SASH1: variants seen among roughly 807,000 people sequenced by gnomAD.
SASH1 encodes the protein SAM and SH3 domain containing 1, also known as SAM and SH3 domain-containing protein 1.
Under a neutral mutation model 125.2 loss-of-function variants are expected in SASH1, and 44 were observed. That is an observed-to-expected ratio of 0.35 (90% CI 0.28 to 0.45). The LOEUF (loss-of-function observed/expected upper bound fraction) is 0.45. Ranked by LOEUF, SASH1 falls within the 20% of genes least tolerant of loss-of-function variation. The probability of loss-of-function intolerance (pLI) is 1.00; values close to 1 mark genes in which losing one functional copy is unlikely to be tolerated. For synonymous variants in SASH1, 639 were observed against 649.1 expected (o/e 0.98, Z 0.24); for missense variants, 1,426 against 1,614.5 (o/e 0.88, Z 2.00).
chr6:148,284,270 C>T (rs1779425534), intron 1 of SASH1, among the ~76,000 whole-genome samples: 1 of 152,168 alleles, frequency 6.6e-6, no homozygotes, highest in Non-Finnish European at 1.5e-5. Context: ...GAAACCCCGT[C>T]TCTACTAAAA....
chr6:148,496,144 T>C (rs1460931386), intron 8 of SASH1, among the ~76,000 whole-genome samples: 1 of 152,056 alleles, frequency 6.6e-6, no homozygotes, highest in Non-Finnish European at 1.5e-5. Flanking sequence ...GATAAGGAAG[T>C]TTAAGAGAGG....
At chr6:148,223,453 A>G in the SASH1 span, among the ~76,000 whole-genome samples, 1 of 152,228 alleles carries the variant, frequency 6.6e-6, no homozygotes, top group South Asian at 2.1e-4. Flanking sequence ...AGCGAGACTG[A>G]GTTCAACCAA....
chr6:148,213,505 G>GGTGTGTGTGTGT, the SASH1 span, among the ~76,000 whole-genome samples: 2,466 of 148,418 alleles, frequency 0.017, 60 homozygotes, highest in African/African-American at 0.057. Context: ...CTAGCCAAAG[G>GGTGTGTGTGTGT]GTGTGTGTGT....
Position 148,531,610 on chromosome 6 carries a change from G to A in SASH1, c.1513G>A (p.Gly505Arg), listed in dbSNP as rs763136606. ...EHLDKPKLKAGGSVESLRSSL... is the reference protein window; with the variant it reads ...EHLDKPKLKARGSVESLRSSL... ...CTTGGACAAGCCCAAGCTCAAGGCC[G>A]GGGGTTCTGTAGAAAGTCTTCGCAG... The change falls in exon 13 of 20, where the codon GGG becomes AGG. Residue 505 changes from glycine (G) to arginine (R), a missense_variant. Physicochemically the swap from Gly to Arg is moderately radical, Grantham distance 125 (BLOSUM62 -2). This residue lies in a region of SASH1 where 225 missense variants were observed against 344.5 expected (regional missense o/e 0.65). Coordinates refer to ENST00000367467, the MANE Select transcript of SASH1 (RefSeq NM_015278.5). The A allele has an allele frequency of 2.0e-5, 31 of 1,578,712 alleles. No individual in the cohort carries two copies. The highest frequency in any genetic ancestry group is 1.3e-4 in the Admixed American group (7 of 55,290).
chr6:148,468,512 T>G, intron 4 of SASH1, 33 bp from the exon 5 acceptor site: 1 of 1,570,080 alleles, frequency 6.4e-7, no homozygotes, highest in Non-Finnish European at 8.7e-7. Flanking sequence ...AAAGCAAGGC[T>G]CTCTGGTAAT....
intron 1 of SASH1, among the ~76,000 whole-genome samples, chr6:148,310,378 G>GTATC (rs1463072032): frequency 6.7e-6 from 1 of 149,496 alleles, no homozygotes; most frequent in Non-Finnish European, 1.5e-5. Context: ...AATCTCTGCT[G>GTATC]TATCTATTTA....
At chr6:148,301,699 C>T (rs1779949565) in intron 1 of SASH1, among the ~76,000 whole-genome samples, 1 of 151,772 alleles carries the variant, frequency 6.6e-6, no homozygotes. Context: ...TCACCTCCGT[C>T]CCCCAAGTAG....
intron 1 of SASH1, among the ~76,000 whole-genome samples, chr6:148,368,770 G>GCGCACACACACACACACACACA (rs1554245330): frequency 1.3e-3 from 174 of 135,730 alleles, no homozygotes; most frequent in African/African-American, 2.6e-3. Flanking sequence ...GCACGCGCGC[G>GCGCACACACACACACACACACA]CACACACACA....
chr6:148,443,655 T>C (rs1776652343), intron 4 of SASH1, among the ~76,000 whole-genome samples: 1 of 152,002 alleles, frequency 6.6e-6, no homozygotes. Context: ...GTGATACTTA[T>C]TCTTGCATTG....
chr6:148,365,632 CT>C (rs1170924793), intron 1 of SASH1, among the ~76,000 whole-genome samples: 1 of 152,002 alleles, frequency 6.6e-6, no homozygotes, highest in East Asian at 1.9e-4. Context: ...GCTGAAATGG[CT>C]CACATAATGG....
chr6:148,460,310 A>G (rs1007802099), intron 4 of SASH1, among the ~76,000 whole-genome samples: 4 of 152,222 alleles, frequency 2.6e-5, no homozygotes, highest in African/African-American at 9.6e-5. Flanking sequence ...TAAATCAAAG[A>G]TATACAAAGA....
chr6:148,507,357 T>TG (rs1779856575), intron 8 of SASH1, among the ~76,000 whole-genome samples: 1 of 147,894 alleles, frequency 6.8e-6, no homozygotes, highest in Non-Finnish European at 1.5e-5. Context: ...TCCAATTCCC[T>TG]TTTGTTGTTG....
the SASH1 span, among the ~76,000 whole-genome samples, chr6:148,254,451 C>A: frequency 6.6e-6 from 1 of 152,100 alleles, no homozygotes; most frequent in Admixed American, 6.6e-5. Context: ...CTGTGAATAA[C>A]CACCATACTC....
At chr6:148,347,359 T>A (rs1781553409) in intron 1 of SASH1, among the ~76,000 whole-genome samples, 1 of 152,214 alleles carries the variant, frequency 6.6e-6, no homozygotes, top group African/African-American at 2.4e-5. Flanking sequence ...GTTTAAAAAA[T>A]ATCCATTGTA....
At chr6:148,304,400 A>G (rs1027231858) in intron 1 of SASH1, among the ~76,000 whole-genome samples, 1 of 150,240 alleles carries the variant, frequency 6.7e-6, no homozygotes, top group Non-Finnish European at 1.5e-5. Context: ...GCGCCACTGC[A>G]CTCCAGCCTG....
chr6:148,454,147 G>T (rs1414337535), intron 4 of SASH1, among the ~76,000 whole-genome samples: 7 of 152,244 alleles, frequency 4.6e-5, no homozygotes, highest in Admixed American at 1.3e-4. Context: ...GGTGCAGAGG[G>T]CCTGCAGGAG....
intron 4 of SASH1, among the ~76,000 whole-genome samples, chr6:148,442,305 G>A (rs1005791409): frequency 2.6e-5 from 4 of 151,940 alleles, no homozygotes; most frequent in African/African-American, 9.7e-5. Context: ...TACTCGTGAG[G>A]CTGAGGCAGG....
At chr6:148,275,551 T>G (rs2128503724) in intron 1 of SASH1, among the ~76,000 whole-genome samples, 1 of 152,262 alleles carries the variant, frequency 6.6e-6, no homozygotes, top group African/African-American at 2.4e-5. Flanking sequence ...CACAAACCCC[T>G]CTAAGAAAAT....
chr6:148,276,722 C>T (rs1279325852), intron 1 of SASH1, among the ~76,000 whole-genome samples: 2 of 152,146 alleles, frequency 1.3e-5, no homozygotes, highest in Non-Finnish European at 2.9e-5. Flanking sequence ...AATATATACA[C>T]CTGCGAGTGC....
Sources: gnomAD v4.1 joint callset for allele counts (sites outside exome capture counted in the v4.1 genomes callset) on GRCh38, gnomAD v4.1.1 for gene constraint, gnomAD v4.1.1 regional missense constraint, MANE v1.5 for transcripts, NCBI Gene and HGNC (gene_info 2026-07-23, HGNC 2026-07-21) for gene names.